Variants in COG5 observed in about 807,000 individuals in gnomAD.
COG5 encodes the protein component of oligomeric golgi complex 5.
COG5 carries 86 observed loss-of-function variants against 110.4 expected under a neutral mutation model. The ratio of observed to expected loss-of-function variants is 0.78; its 90% CI spans 0.65 to 0.93. The LOEUF is 0.93. COG5 is among the 40% of genes least tolerant of loss of function. COG5 has a pLI of 0.00. For missense variants in COG5, 1,077 were observed against 987.0 expected, an observed-to-expected ratio of 1.09 and a Z score of -1.22; for synonymous variants, 360 against 334.6, an observed-to-expected ratio of 1.08 and a Z score of -0.83.
chr7:107,433,344 G>T (rs142198547), intron 6 of COG5, among the ~76,000 whole-genome samples: 1 of 152,052 alleles, frequency 6.6e-6, no homozygotes, highest in Non-Finnish European at 1.5e-5. Context: ...ACAGAAAAAC[G>T]CATCCTAAAA....
intron 10 of COG5, among the ~76,000 whole-genome samples, chr7:107,343,254 T>C (rs1725513176): frequency 6.6e-6 from 1 of 152,196 alleles, no homozygotes; most frequent in African/African-American, 2.4e-5. Context: ...GTTGAAAAAC[T>C]GTTGGGTTCT....
intron 11 of COG5, among the ~76,000 whole-genome samples, chr7:107,309,842 T>C (rs1331164322): frequency 1.3e-5 from 2 of 152,200 alleles, no homozygotes; most frequent in African/African-American, 4.8e-5. Flanking sequence ...TATTCGTATA[T>C]TCACAAAAGT....
At chr7:107,441,960 T>C (rs923278043) in intron 6 of COG5, among the ~76,000 whole-genome samples, 2 of 152,208 alleles carry the variant, frequency 1.3e-5, no homozygotes, top group Non-Finnish European at 2.9e-5. Context: ...CAAACTATGA[T>C]CCATGAACTG....
At chr7:107,541,233 A>G (rs1329943235) in intron 5 of COG5, among the ~76,000 whole-genome samples, 1 of 151,852 alleles carries the variant, frequency 6.6e-6, no homozygotes, top group Non-Finnish European at 1.5e-5. Flanking sequence ...ACAGTGGCTC[A>G]TACTTGTAAT....
At chr7:107,538,038 C>T (rs1284595833) in intron 5 of COG5, among the ~76,000 whole-genome samples, 1 of 152,158 alleles carries the variant, frequency 6.6e-6, no homozygotes, top group Non-Finnish European at 1.5e-5. Context: ...AATCGAGCTA[C>T]AGACATAGAT....
chr7:107,318,022 CTT>C (rs756840447), intron 11 of COG5, among the ~76,000 whole-genome samples: 95 of 151,392 alleles, frequency 6.3e-4, no homozygotes, highest in Non-Finnish European at 9.0e-4. Context: ...TGGCTTTTTT[CTT>C]TCTTTCTTTC....
chr7:107,330,901 T>C (rs981024466), intron 10 of COG5, among the ~76,000 whole-genome samples: 3 of 151,098 alleles, frequency 2.0e-5, no homozygotes, highest in Admixed American at 6.6e-5. Flanking sequence ...CAGCTCACTG[T>C]AACCTCCGCC....
chr7:107,239,410 G>C (rs1278127857), intron 17 of COG5, among the ~76,000 whole-genome samples: 2 of 152,060 alleles, frequency 1.3e-5, no homozygotes, highest in African/African-American at 4.8e-5. Context: ...CTTTATTTTT[G>C]CTCAAGATTG....
At chr7:107,563,546 G>GGT (rs1554466279) in intron 1 of COG5, 2 of 187,670 alleles carry the variant, frequency 1.1e-5, no homozygotes, top group Non-Finnish European at 8.8e-6. Flanking sequence ...TGGAGGCATG[G>GGT]GGGGGGGGGG....
chr7:107,560,194 T>C (rs1044091615), intron 1 of COG5, among the ~76,000 whole-genome samples: 6 of 152,200 alleles, frequency 3.9e-5, no homozygotes, highest in Admixed American at 2.0e-4. Context: ...TGAGAGTATT[T>C]ACACCATGGT....
At chr7:107,403,894 T>C (rs2129062017) in intron 7 of COG5, among the ~76,000 whole-genome samples, 1 of 149,204 alleles carries the variant, frequency 6.7e-6, no homozygotes, top group Non-Finnish European at 1.5e-5. Context: ...TACAGTTAGG[T>C]GACTCTATTA....
At position 107,558,067 on chromosome 7, in the gene COG5, G is replaced by A; in HGVS notation, c.143C>T (p.Thr48Ile). 2 of 1,613,824 alleles carry A rather than the reference G, an allele frequency of 1.2e-6. No homozygotes were observed. Among genetic ancestry groups the A allele is most frequent in the Admixed American group, 1.7e-5 (1 of 60,010 alleles). Residue 48 changes from threonine (T) to isoleucine (I), a missense_variant, in exon 2 of 22, where the codon ACT (threonine) becomes ATT (isoleucine). Thr to Ile is a moderately conservative substitution (Grantham distance 89). Coordinates refer to ENST00000297135, the MANE Select transcript of COG5 (RefSeq NM_006348.5). ...TACAGCTTGATGAATAGATTGAGAAGTATAAGTCTTTACATCAAAGTCTTC... is the reference window on the plus strand; with the variant it reads ...TACAGCTTGATGAATAGATTGAGAAATATAAGTCTTTACATCAAAGTCTTC... Reference protein sequence around the residue: ...LNEDFDVKTYTSQSIHQAVIA... With the variant: ...LNEDFDVKTYISQSIHQAVIA...
At chr7:107,554,154 G>A (rs1369824445) in intron 3 of COG5, 131 bp downstream of exon 3, 1 of 740,468 alleles carries the variant, frequency 1.4e-6, no homozygotes, top group African/African-American at 1.7e-5. Flanking sequence ...TACAATGGCA[G>A]AGTTTAGTAG....
chr7:107,433,969 C>G (rs1050203931), intron 6 of COG5, among the ~76,000 whole-genome samples: 4 of 151,864 alleles, frequency 2.6e-5, no homozygotes, highest in Non-Finnish European at 4.4e-5. Context: ...AACAAAAAAG[C>G]AAATAACCTG....
At chr7:107,496,691 A>C (rs561385870) in intron 6 of COG5, among the ~76,000 whole-genome samples, 1 of 151,764 alleles carries the variant, frequency 6.6e-6, no homozygotes, top group African/African-American at 2.4e-5. Flanking sequence ...ACAAAAAAAC[A>C]ATCAATATAA....
intron 10 of COG5, among the ~76,000 whole-genome samples, chr7:107,346,627 T>C (rs1352051405): frequency 1.3e-5 from 2 of 152,174 alleles, no homozygotes; most frequent in East Asian, 1.9e-4. Flanking sequence ...GTTCACACTT[T>C]CATCTAACTT....
intron 7 of COG5, among the ~76,000 whole-genome samples, chr7:107,400,527 CAT>C (rs773469841): frequency 1.2e-4 from 18 of 152,052 alleles, no homozygotes; most frequent in African/African-American, 4.3e-4. Context: ...AGCAATTACA[CAT>C]AGACTAGAGT....
Position 107,527,304 on chromosome 7 carries a change from T to A in COG5, c.471A>T (p.Arg157Ser), listed in dbSNP as rs1268362498. 2 of 1,612,638 alleles carry A rather than the reference T, an allele frequency of 1.2e-6. No homozygotes were observed. Among genetic ancestry groups the A allele is most frequent in the South Asian group, 1.1e-5 (1 of 90,918 alleles). ...TTCCCCCTTGCAGTTGTCCTTGGAG[T>A]CTCTTACTGAGATTCAAGATACGAA... ...RIIRILNLSK[R>S]LQGQLQGGSR... The change falls in exon 6 of 22, where the codon AGA becomes AGT. Residue 157 changes from arginine (R) to serine (S), a missense_variant. By Grantham distance (110) the Arg-to-Ser change is moderately radical (BLOSUM62 -1). Transcript: ENST00000297135.
rs115262066 is a variant in COG5 at position 107,252,632 on chromosome 7, A to G, written c.1749+4100T>C. ...ATGACAATATACCTTATGAATATAG[A>G]TGTAAGTAAGCATCCTTAACAAAAA... On this transcript the variant is annotated intron_variant, in intron 16 of 21. Coordinates refer to ENST00000297135, the MANE Select transcript of COG5 (RefSeq NM_006348.5). Among the ~76,000 whole-genome samples the G allele has an allele frequency of 2.2e-3, 328 of 152,332 alleles. 2 individuals carry two copies. Among genetic ancestry groups the G allele is most frequent in the African/African-American group, 7.5e-3 (310 of 41,588 alleles).
Sources: gnomAD v4.1 joint callset for allele counts (sites outside exome capture counted in the v4.1 genomes callset) on GRCh38, gnomAD v4.1.1 for gene constraint, MANE v1.5 for transcripts, NCBI Gene and HGNC (gene_info 2026-07-23, HGNC 2026-07-21) for gene names.